The following TSPAN4 variants were observed in gnomAD, a reference collection of about 807,000 sequenced individuals.
TSPAN4 encodes the protein tetraspanin 4, also known as tetraspanin-4.
Under a neutral mutation model 31.5 loss-of-function variants are expected in TSPAN4, and 38 were observed. The ratio of observed to expected loss-of-function variants is 1.21; its 90% CI spans 0.93 to 1.58. The LOEUF is 1.58. TSPAN4 is among the 40% of genes most tolerant of loss of function. The pLI is 0.00. For synonymous variants in TSPAN4, 186 were observed against 144.6 expected (o/e 1.29, Z -2.06); for missense variants, 330 against 317.3 (o/e 1.04, Z -0.30).
rs1324032310 is a variant in TSPAN4 at position 865,497 on chromosome 11, C to G, written c.331-16C>G. On this transcript the variant is annotated splice_polypyrimidine_tract_variant and intron_variant, in intron 5 of 8. Transcript: ENST00000397397. ...TACAGTGGGAGGGGCCCTGCTGACC[C>G]CCCCCGCACCCCCAGATTGACAGGT... 4 of 1,604,798 alleles carry G rather than the reference C, an allele frequency of 2.5e-6. No individual in the cohort carries two copies. The highest frequency in any genetic ancestry group is 1.7e-5 in the Admixed American group (1 of 59,758).
intron 3 of TSPAN4, among the ~76,000 whole-genome samples, chr11:852,761 C>T (rs575123412): frequency 8.5e-5 from 13 of 152,368 alleles, no homozygotes; most frequent in Admixed American, 3.9e-4. Context: ...CCATTTCCTA[C>T]TCGTTGGGAG....
At chr11:849,967 TG>T (rs1159659348) in intron 2 of TSPAN4, 2 of 155,264 alleles carry the variant, frequency 1.3e-5, no homozygotes, top group Non-Finnish European at 2.8e-5. Flanking sequence ...GCCGGCGGGA[TG>T]GGGCGTTCCG....
At chr11:863,028 C>A in intron 4 of TSPAN4, 1 of 379,458 alleles carries the variant, frequency 2.6e-6, no homozygotes, top group Non-Finnish European at 4.8e-6. Context: ...TGAGTGCAGG[C>A]ACAGCCCCGC....
chr11:866,607 A>G lies in TSPAN4; in HGVS notation c.694A>G (p.Lys232Glu). Residue 232 changes from lysine (K) to glutamate (E), a missense_variant, in exon 9 of 9, where the codon AAG becomes GAG. Physicochemically the swap from Lys to Glu is moderately conservative, Grantham distance 56. Coordinates refer to ENST00000397397, the MANE Select transcript of TSPAN4 (RefSeq NM_003271.5). ...FAMTMYCQVV[K>E]ADTYCA The stretch of plus-strand genomic sequence containing the variant: ...CATGACCATGTACTGCCAAGTGGTC[A>G]AGGCAGACACCTACTGCGCGTAGGC... 6.2e-7 allele frequency: 1 copy of G among 1,613,412 alleles called. No homozygotes were observed. The highest frequency in any genetic ancestry group is 8.5e-7 in the Non-Finnish European group (1 of 1,179,804).
chr11:846,290 C>T (rs1189870113), intron 1 of TSPAN4, among the ~76,000 whole-genome samples: 1 of 152,198 alleles, frequency 6.6e-6, no homozygotes. Flanking sequence ...GTGGGCAGGC[C>T]CCTCTTTGGG....
intron 3 of TSPAN4, among the ~76,000 whole-genome samples, chr11:854,096 G>A (rs1039660165): frequency 3.3e-5 from 5 of 152,310 alleles, no homozygotes; most frequent in Admixed American, 3.3e-4. Flanking sequence ...GGGCGGAGGG[G>A]AGAGGACGGG....
intron 3 of TSPAN4, among the ~76,000 whole-genome samples, chr11:851,478 T>A (rs1455229490): frequency 6.6e-6 from 1 of 152,294 alleles, no homozygotes; most frequent in East Asian, 1.9e-4. Flanking sequence ...TCTCCCCTCC[T>A]GAGCCCAGGC....
Position 855,790 on chromosome 11 carries a change from G to A in TSPAN4, c.63+5423G>A, listed in dbSNP as rs1020997051. Among the ~76,000 whole-genome samples, 5 of 152,314 alleles carry A rather than the reference G, an allele frequency of 3.3e-5. No homozygotes were observed. The South Asian group carries it at 6.2e-4, about 19-fold the overall frequency. ...TCCCAGCCATGACGGGGACGTTCCC[G>A]CCAGCCCAGAGGGTCCTGAGGCTGT... On this transcript the variant is annotated intron_variant, in intron 3 of 8. Coordinates refer to ENST00000397397, the MANE Select transcript of TSPAN4 (RefSeq NM_003271.5).
At position 848,769 on chromosome 11, in the gene TSPAN4, CACCGCAGGGCCCTTGTGCCCTGT is replaced by C. The variant is rs1405378505; in HGVS notation, c.-18+1470_-18+1492del. On this transcript the variant is annotated intron_variant, in intron 2 of 8. Coordinates refer to ENST00000397397, the MANE Select transcript of TSPAN4 (RefSeq NM_003271.5). The surrounding 1 kb of genome is among the most constrained non-coding windows in gnomAD (Gnocchi z 5.7). ...GGGCCACGTGCTGATATCTTCCCAA[CACCGCAGGGCCCTTGTGCCCTGT>C]GGTGGGGCTGGGGCTTCAGAGGCGT... The C allele has an allele frequency of 7.5e-6, 4 of 535,960 alleles. No individual in the cohort carries two copies. In the African/African-American group the frequency reaches 7.8e-5, roughly 10 times the overall value. The allele number at this position is 535,960 out of a possible 1,614,324, so 33.2% of individuals were successfully genotyped here.
In TSPAN4 at chr11:850,274, C is replaced by T. The variant is rs1011121585; in HGVS notation, c.-17-14C>T. On this transcript the variant is annotated splice_polypyrimidine_tract_variant and intron_variant, in intron 2 of 8. Coordinates refer to ENST00000397397, the MANE Select transcript of TSPAN4 (RefSeq NM_003271.5). ...TGGTTTTCTACCTGGACCTCTCCTTCATCTTCCTCCTAGAACTGAAGCGCT... is the reference window on the plus strand; with the variant it reads ...TGGTTTTCTACCTGGACCTCTCCTTTATCTTCCTCCTAGAACTGAAGCGCT... The T allele has an allele frequency of 5.0e-6, 8 of 1,599,036 alleles. No homozygotes were observed. Among genetic ancestry groups the T allele is most frequent in the East Asian group, 4.5e-5 (2 of 44,268 alleles).
In TSPAN4 at chr11:862,535, G is replaced by A. The variant is rs547512243; in HGVS notation, c.64-15G>A. The A allele has an allele frequency of 6.3e-7, 1 of 1,595,002 alleles. No individual in the cohort carries two copies. The highest frequency in any genetic ancestry group is 1.3e-5 in the African/African-American group (1 of 74,618). On this transcript the variant is annotated splice_polypyrimidine_tract_variant and intron_variant, in intron 3 of 8. Coordinates refer to ENST00000397397, the MANE Select transcript of TSPAN4 (RefSeq NM_003271.5). Reference sequence around the variant, plus strand: ...GCCTCACCCTGTCTGTGTCTCTCCTGTTGCTGTGCCCCAGCTGGGAGGCTG... The same window carrying A: ...GCCTCACCCTGTCTGTGTCTCTCCTATTGCTGTGCCCCAGCTGGGAGGCTG...
At chr11:856,162 G>A (rs972920147) in intron 3 of TSPAN4, among the ~76,000 whole-genome samples, 2 of 152,214 alleles carry the variant, frequency 1.3e-5, no homozygotes, top group Admixed American at 1.3e-4. Context: ...CACACGCCCA[G>A]CGCTGGGGGA....
At chr11:863,959 C>G (rs1289336186) in intron 4 of TSPAN4, 1 of 176,276 alleles carries the variant, frequency 5.7e-6, no homozygotes, top group East Asian at 1.4e-4. Context: ...GCTGGCTGCC[C>G]TGAGGACTGT....
intron 1 of TSPAN4, chr11:844,617 C>G (rs978173853): frequency 3.4e-5 from 4 of 116,530 alleles, no homozygotes; most frequent in African/African-American, 1.3e-4. Flanking sequence ...AGCCTGGTGG[C>G]GGGGCAGGGC....
Position 862,601 on chromosome 11 carries a change from G to A in TSPAN4, c.115G>A (p.Gly39Arg), listed in dbSNP as rs779765001. The A allele has an allele frequency of 2.5e-6, 4 of 1,612,740 alleles. No individual in the cohort carries two copies. The African/African-American group carries it at 5.3e-5, about 22-fold the overall frequency. The change falls in exon 4 of 9, where the codon GGG becomes AGG. Residue 39 changes from glycine (G) to arginine (R), a missense_variant. Physicochemically the swap from Gly to Arg is moderately radical, Grantham distance 125. Transcript: ENST00000397397. The stretch of plus-strand genomic sequence containing the variant: ...CGGCATCTGGCTGGCCGCCACACAG[G>A]GGAGCTTCGCCACGCTGTCCTCTTC... ...GVGIWLAATQ[G>R]SFATLSSSFP...
At chr11:855,979 C>T (rs2134021199) in intron 3 of TSPAN4, among the ~76,000 whole-genome samples, 1 of 152,330 alleles carries the variant, frequency 6.6e-6, no homozygotes, top group South Asian at 2.1e-4. Flanking sequence ...AGCGTGGCCC[C>T]CGTGGGCCCG....
intron 5 of TSPAN4, 130 bp from the exon 6 acceptor site, chr11:865,383 T>C: frequency 1.5e-6 from 1 of 687,702 alleles, no homozygotes. Flanking sequence ...TGCAGCTTGG[T>C]GGGCTAGGAG....
intron 3 of TSPAN4, among the ~76,000 whole-genome samples, chr11:855,187 G>C (rs534815258): frequency 6.6e-6 from 1 of 152,164 alleles, no homozygotes; most frequent in Admixed American, 6.5e-5. Context: ...CAGGCAGGCC[G>C]GGCCTCTGTG....
intron 2 of TSPAN4, among the ~76,000 whole-genome samples, chr11:849,090 C>G (rs28402197): frequency 0.95 from 144,211 of 152,318 alleles, 68,330 homozygotes; most frequent in East Asian, 1. Context: ...GGTGGGTGCG[C>G]GCGACTGCCC....
Sources: gnomAD v4.1 joint callset for allele counts (sites outside exome capture counted in the v4.1 genomes callset) on GRCh38, gnomAD v4.1.1 for gene constraint, Gnocchi (gnomAD v3.1) non-coding constraint, MANE v1.5 for transcripts, NCBI Gene and HGNC (gene_info 2026-07-23, HGNC 2026-07-21) for gene names.